The following UNC13C variants were observed in gnomAD, a reference collection of about 807,000 sequenced individuals.
UNC13C encodes the protein protein unc-13 homolog C.
Under a neutral mutation model 245.4 loss-of-function variants are expected in UNC13C, and 174 were observed. That is an observed-to-expected ratio of 0.71 (90% CI 0.63 to 0.80). The LOEUF (loss-of-function observed/expected upper bound fraction) is 0.80, where lower values mean the gene tolerates loss of function less well. Ranked by LOEUF, UNC13C falls within the 30% of genes least tolerant of loss-of-function variation. The pLI, the probability that UNC13C is intolerant of heterozygous loss-of-function variation, is 0.00. For missense variants in UNC13C, 2,829 were observed against 2,602.9 expected (o/e 1.09, Z -1.89); for synonymous variants, 992 against 895.1 (o/e 1.11, Z -1.93).
intron 2 of UNC13C, chr15:54,050,552 G>A (rs1039474219): frequency 2.2e-5 from 10 of 457,024 alleles, no homozygotes; most frequent in Non-Finnish European, 1.3e-5. Flanking sequence ...CTTCCTGCAA[G>A]TATTCTCCAG....
At chr15:53,893,013 T>A in the UNC13C span, among the ~76,000 whole-genome samples, 1 of 152,202 alleles carries the variant, frequency 6.6e-6, no homozygotes, top group Non-Finnish European at 1.5e-5. Flanking sequence ...TGGATTTATC[T>A]ACCTTTGGTC....
intron 4 of UNC13C, among the ~76,000 whole-genome samples, chr15:54,150,237 G>C (rs1422821328): frequency 3.3e-5 from 5 of 152,202 alleles, no homozygotes; most frequent in African/African-American, 1.2e-4. Context: ...AAATTCCTAA[G>C]GAGTTTAAAA....
chr15:54,186,920 C>T (rs905788537), intron 4 of UNC13C, among the ~76,000 whole-genome samples: 1 of 150,786 alleles, frequency 6.6e-6, no homozygotes, highest in African/African-American at 2.4e-5. Flanking sequence ...ACAAACTTGG[C>T]TCACTGCAAC....
intron 4 of UNC13C, among the ~76,000 whole-genome samples, chr15:54,189,728 C>T (rs1171596795): frequency 6.6e-6 from 1 of 151,884 alleles, no homozygotes; most frequent in African/African-American, 2.4e-5. Context: ...GGTCATGAGA[C>T]AGTGTTAGTT....
the UNC13C span, among the ~76,000 whole-genome samples, chr15:53,878,165 T>C: frequency 6.6e-6 from 1 of 152,154 alleles, no homozygotes; most frequent in South Asian, 2.1e-4. Flanking sequence ...GACATACTTG[T>C]GTTCACAGGA....
intron 4 of UNC13C, among the ~76,000 whole-genome samples, chr15:54,162,185 C>T (rs540454629): frequency 5.3e-5 from 8 of 152,236 alleles, no homozygotes; most frequent in South Asian, 2.1e-4. Context: ...TTTCTTACAG[C>T]AGATGATCTA....
intron 19 of UNC13C, among the ~76,000 whole-genome samples, chr15:54,487,387 A>G (rs968972150): frequency 2.0e-5 from 3 of 152,156 alleles, no homozygotes; most frequent in Non-Finnish European, 4.4e-5. Flanking sequence ...GAAATGTGTC[A>G]TGAAAGAAAC....
chr15:54,333,284 A>G (rs1156317401), intron 15 of UNC13C, among the ~76,000 whole-genome samples: 2 of 152,114 alleles, frequency 1.3e-5, no homozygotes, highest in African/African-American at 2.4e-5. Context: ...TAAAATCCAT[A>G]GTATTTCAGG....
At chr15:53,891,517 A>T in the UNC13C span, among the ~76,000 whole-genome samples, 1 of 152,060 alleles carries the variant, frequency 6.6e-6, no homozygotes, top group Non-Finnish European at 1.5e-5. Context: ...GGTCTCTAAG[A>T]ACTTGCTTTA....
chr15:54,093,245 TGA>T (rs1419162001), intron 2 of UNC13C, among the ~76,000 whole-genome samples: 1 of 151,862 alleles, frequency 6.6e-6, no homozygotes, highest in Admixed American at 6.6e-5. Context: ...CAATAAAACT[TGA>T]GTCAGCCAAA....
the UNC13C span, among the ~76,000 whole-genome samples, chr15:53,847,822 T>C: frequency 6.6e-6 from 1 of 152,166 alleles, no homozygotes; most frequent in African/African-American, 2.4e-5. Context: ...AAGCATATAT[T>C]TTCTTTGCCT....
At chr15:54,189,484 C>T (rs1157588883) in intron 4 of UNC13C, among the ~76,000 whole-genome samples, 3 of 152,092 alleles carry the variant, frequency 2.0e-5, no homozygotes, top group African/African-American at 4.8e-5. Flanking sequence ...CAAGTAATAA[C>T]TACTTCAATA....
chr15:54,457,544 A>T (rs923319191), intron 19 of UNC13C, among the ~76,000 whole-genome samples: 2 of 151,928 alleles, frequency 1.3e-5, no homozygotes, highest in Non-Finnish European at 2.9e-5. Context: ...AGACTATTTT[A>T]GTCTTGCTAC....
At chr15:54,473,320 A>G (rs2141046512) in intron 19 of UNC13C, among the ~76,000 whole-genome samples, 1 of 152,080 alleles carries the variant, frequency 6.6e-6, no homozygotes, top group East Asian at 1.9e-4. Flanking sequence ...TAATTAGGAT[A>G]TCCATCGCCT....
Position 54,015,032 on chromosome 15 carries a change from A to T in UNC13C, c.2129A>T (p.Glu710Val), listed in dbSNP as rs767276349. Residue 710 changes from glutamate (E) to valine (V), a missense_variant, in exon 2 of 33, where the codon GAG (glutamate) becomes GTG (valine). Coordinates refer to ENST00000260323, the MANE Select transcript of UNC13C (RefSeq NM_001080534.3). Reference sequence around the variant, plus strand: ...CACAGTGATCTTCAAGATGACTCAGAGAGCTACGACTTAACTCAAGATGAC... The same window carrying T: ...CACAGTGATCTTCAAGATGACTCAGTGAGCTACGACTTAACTCAAGATGAC... ...KCHSDLQDDS[E>V]SYDLTQDDNS... 5 of 1,613,332 alleles carry T rather than the reference A, an allele frequency of 3.1e-6. No individual in the cohort carries two copies. The highest frequency in any genetic ancestry group is 4.2e-6 in the Non-Finnish European group (5 of 1,179,664).
chr15:54,368,028 C>T (rs912964546), intron 17 of UNC13C, among the ~76,000 whole-genome samples: 8 of 152,150 alleles, frequency 5.3e-5, no homozygotes, highest in African/African-American at 1.9e-4. Context: ...AACTAGGGTT[C>T]ACTAGGCTGA....
chr15:53,913,468 C>G, the UNC13C span: 1 of 152,208 alleles, frequency 6.6e-6, no homozygotes, highest in African/African-American at 2.4e-5. Flanking sequence ...TGGATAACCA[C>G]CCCCTGGACA....
intron 16 of UNC13C, among the ~76,000 whole-genome samples, chr15:54,334,192 C>T (rs780998707): frequency 1.3e-5 from 2 of 152,040 alleles, no homozygotes; most frequent in East Asian, 1.9e-4. Context: ...TTAGTTTTAA[C>T]TTAGATGTTT....
At chr15:54,497,697 C>A (rs1463673126) in intron 20 of UNC13C, among the ~76,000 whole-genome samples, 2 of 152,074 alleles carry the variant, frequency 1.3e-5, no homozygotes, top group African/African-American at 4.8e-5. Context: ...CAGTAACAGT[C>A]TCTCCTTCTG....
Sources: allele counts gnomAD v4.1 joint callset (sites outside exome capture counted in the v4.1 genomes callset), GRCh38; gene constraint gnomAD v4.1.1; transcripts MANE v1.5; gene names NCBI Gene and HGNC (gene_info 2026-07-23, HGNC 2026-07-21).